The following SLC39A9 variants were observed in gnomAD, a reference collection of about 807,000 sequenced individuals.
The protein encoded by SLC39A9 is zinc transporter ZIP9.
SLC39A9 carries 14 observed loss-of-function variants against 28.4 expected under a neutral mutation model. The ratio of observed to expected loss-of-function variants is 0.49; its 90% CI spans 0.33 to 0.77. The LOEUF (loss-of-function observed/expected upper bound fraction) is 0.77, where lower values mean the gene tolerates loss of function less well. SLC39A9 is among the 30% of genes least tolerant of loss of function. SLC39A9 has a pLI of 0.02. For synonymous variants in SLC39A9, 119 were observed against 149.6 expected (o/e 0.80, Z 1.49); for missense variants, 283 against 381.1 (o/e 0.74, Z 2.14).
chr14:69,409,582 CGTCTT>C (rs1190505481), intron 1 of SLC39A9, among the ~76,000 whole-genome samples: 1 of 152,164 alleles, frequency 6.6e-6, no homozygotes, highest in African/African-American at 2.4e-5. Context: ...AGTAATCAAT[CGTCTT>C]GTCTTGGCCT....
Position 69,460,699 on chromosome 14 carries a change from G to T in SLC39A9, c.*2106G>T, listed in dbSNP as rs181349604. 4.1e-6 allele frequency: 4 copies of T among 985,228 alleles called. No homozygotes were observed. The highest frequency in any genetic ancestry group is 4.8e-6 in the Non-Finnish European group (4 of 829,952). 61.0% of individuals were successfully genotyped at this position (985,228 alleles called of 1,614,324 possible). ...CTTGCTGGATGGAGCCTTGAACTCC[G>T]GCAAGGATTGAACCATCTGACTTCC... On this transcript the variant is annotated 3_prime_UTR_variant, in exon 7 of 7. Coordinates refer to ENST00000336643, the MANE Select transcript of SLC39A9 (RefSeq NM_018375.5).
rs1422421577 is a variant in SLC39A9 at position 69,459,719 on chromosome 14, TC to T, written c.*1127del. ...CCTATTGATTTAAAGCTTATTGGAA[TC>T]ATGTCTCTTGTCTCTTCGTCTTTTC... is the stretch of plus-strand genomic sequence containing the variant. On this transcript the variant is annotated 3_prime_UTR_variant, in exon 7 of 7. Transcript: ENST00000336643. 11 of 984,940 alleles carry T rather than the reference TC, an allele frequency of 1.1e-5. No individual in the cohort carries two copies. The highest frequency in any genetic ancestry group is 1.3e-5 in the Non-Finnish European group (11 of 829,616). The allele number at this position is 984,940 out of a possible 1,614,324, so 61.0% of individuals were successfully genotyped here.
In SLC39A9 at chr14:69,461,403, C is replaced by T; in HGVS notation, c.*2810C>T. 1 of 1,238,732 alleles carries T rather than the reference C, an allele frequency of 8.1e-7. No homozygotes were observed. The highest frequency in any genetic ancestry group is 2.2e-5 in the South Asian group (1 of 45,868). 76.7% of individuals were successfully genotyped at this position (1,238,732 alleles called of 1,614,324 possible). ...AGGTTTGATTCAGTTTTCCTGTGCA[C>T]ACTATTGCCAAATTTTTTTTTAGCA... On this transcript the variant is annotated 3_prime_UTR_variant, in exon 7 of 7. Coordinates refer to ENST00000336643, the MANE Select transcript of SLC39A9 (RefSeq NM_018375.5).
chr14:69,453,905 G>C (rs977738231), intron 4 of SLC39A9, among the ~76,000 whole-genome samples: 5 of 152,224 alleles, frequency 3.3e-5, no homozygotes, highest in African/African-American at 7.2e-5. Flanking sequence ...TTACTGTCTA[G>C]CTCTTAAGAA....
At position 69,459,079 on chromosome 14, in the gene SLC39A9, G is replaced by A; in HGVS notation, c.*486G>A. On this transcript the variant is annotated 3_prime_UTR_variant, in exon 7 of 7. Coordinates refer to ENST00000336643, the MANE Select transcript of SLC39A9 (RefSeq NM_018375.5). Reference sequence around the variant, plus strand: ...ATCTATGCCACATGCGTTGATGGAAGGTCATAGCACCCACTCACTTAGATG... The same window carrying A: ...ATCTATGCCACATGCGTTGATGGAAAGTCATAGCACCCACTCACTTAGATG... 1 of 987,542 alleles carries A rather than the reference G, an allele frequency of 1.0e-6. No individual in the cohort carries two copies. The highest frequency in any genetic ancestry group is 1.2e-6 in the Non-Finnish European group (1 of 831,020). The allele number at this position is 987,542 out of a possible 1,614,324, so 61.2% of individuals were successfully genotyped here. A position where few individuals can be genotyped will look rare whatever the true frequency, so the allele number is the denominator to read the frequency against.
chr14:69,461,132 A>G lies in SLC39A9; in HGVS notation c.*2539A>G. Reference sequence around the variant, plus strand: ...ATACTTAAGTTGCTGCCATGATTACAGATGGAATTATTGGCTACCAAAGAG... The same window carrying G: ...ATACTTAAGTTGCTGCCATGATTACGGATGGAATTATTGGCTACCAAAGAG... On this transcript the variant is annotated 3_prime_UTR_variant, in exon 7 of 7. Coordinates refer to ENST00000336643, the MANE Select transcript of SLC39A9 (RefSeq NM_018375.5). 1 of 987,136 alleles carries G rather than the reference A, an allele frequency of 1.0e-6. No individual in the cohort carries two copies. The highest frequency in any genetic ancestry group is 1.2e-6 in the Non-Finnish European group (1 of 831,082). The allele number at this position is 987,136 out of a possible 1,614,324, so 61.1% of individuals were successfully genotyped here. A position where few individuals can be genotyped will look rare whatever the true frequency, so the allele number is the denominator to read the frequency against.
chr14:69,452,886 T>C (rs902949278), intron 3 of SLC39A9, among the ~76,000 whole-genome samples: 1 of 152,054 alleles, frequency 6.6e-6, no homozygotes, highest in African/African-American at 2.4e-5. Flanking sequence ...CTTGGAATAG[T>C]AGAGGAAGAG....
intron 1 of SLC39A9, among the ~76,000 whole-genome samples, chr14:69,409,616 C>A (rs770409158): frequency 6.6e-6 from 1 of 152,306 alleles, no homozygotes; most frequent in South Asian, 2.1e-4. Flanking sequence ...GCTGGGATTG[C>A]CAGTAGGGGA....
Position 69,419,718 on chromosome 14 carries a change from G to T in SLC39A9, c.97-4376G>T, listed in dbSNP as rs143342168. Among the ~76,000 whole-genome samples the T allele has an allele frequency of 6.4e-3, 979 of 152,288 alleles. 6 individuals carry two copies. The highest frequency in any genetic ancestry group is 0.023 in the African/African-American group (935 of 41,550). On this transcript the variant is annotated intron_variant, in intron 1 of 6. Coordinates refer to ENST00000336643, the MANE Select transcript of SLC39A9 (RefSeq NM_018375.5). ...GGTGCATATATGTTTAGGATAGTTA[G>T]CTCTTCTTGTTGAATTGATCCCTTT...
chr14:69,449,063 G>A (rs540775861), intron 3 of SLC39A9, among the ~76,000 whole-genome samples: 3 of 152,144 alleles, frequency 2.0e-5, no homozygotes, highest in Non-Finnish European at 2.9e-5. Flanking sequence ...AAAATTATGG[G>A]AGTAAGCTTA....
intron 2 of SLC39A9, among the ~76,000 whole-genome samples, chr14:69,425,492 C>G (rs946133595): frequency 6.6e-6 from 1 of 152,152 alleles, no homozygotes; most frequent in African/African-American, 2.4e-5. Flanking sequence ...AGGAAGGATC[C>G]CGGGAATATC....
chr14:69,427,685 TG>T (rs1334142124), intron 2 of SLC39A9, among the ~76,000 whole-genome samples: 3 of 152,208 alleles, frequency 2.0e-5, no homozygotes, highest in Non-Finnish European at 4.4e-5. Flanking sequence ...ATGTAACCTT[TG>T]GGTCTGGCTT....
rs74847674 is a variant in SLC39A9, at chr14:69,426,108, A to G, written c.205+1906A>G. 2.9e-3 allele frequency among the ~76,000 whole-genome samples: 447 copies of G among 152,314 alleles called. 3 individuals carry two copies. The highest frequency in any genetic ancestry group is 0.01 in the African/African-American group (435 of 41,574). On this transcript the variant is annotated intron_variant, in intron 2 of 6. Coordinates refer to ENST00000336643, the MANE Select transcript of SLC39A9 (RefSeq NM_018375.5). Reference sequence around the variant, plus strand: ...AAACTTCTGTAACCAGATGCGTGGCAATATCTCCCCACTACCAAGCAGTGG... The same window carrying G: ...AAACTTCTGTAACCAGATGCGTGGCGATATCTCCCCACTACCAAGCAGTGG...
Position 69,462,277 on chromosome 14 carries a change from A to G in SLC39A9, c.*3684A>G, listed in dbSNP as rs1311566636. 1 of 152,314 alleles carries G rather than the reference A, an allele frequency of 6.6e-6. No homozygotes were observed. Among genetic ancestry groups the G allele is most frequent in the Non-Finnish European group, 1.5e-5 (1 of 68,090 alleles). The allele number at this position is 152,314 out of a possible 1,614,324, so 9.4% of individuals were successfully genotyped here. A position where few individuals can be genotyped will look rare whatever the true frequency, so the allele number is the denominator to read the frequency against. On this transcript the variant is annotated 3_prime_UTR_variant, in exon 7 of 7. Coordinates refer to ENST00000336643, the MANE Select transcript of SLC39A9 (RefSeq NM_018375.5). ...CCCTTTTTCTGGATCCCTTGTAAAC[A>G]TGAAATCATTCCATGGATGGCTGCC...
At chr14:69,431,009 C>T (rs1884461763) in intron 2 of SLC39A9, among the ~76,000 whole-genome samples, 1 of 152,128 alleles carries the variant, frequency 6.6e-6, no homozygotes, top group Non-Finnish European at 1.5e-5. Context: ...TGTCAAATAT[C>T]TATGGAATAA....
chr14:69,441,983 C>A, intron 2 of SLC39A9, 86 bp from the exon 3 acceptor site: 1 of 1,511,634 alleles, frequency 6.6e-7, no homozygotes, highest in Non-Finnish European at 8.8e-7. Context: ...GTAAGTAGAG[C>A]TTGAAATACA....
At chr14:69,436,475 A>G (rs755278003) in intron 2 of SLC39A9, among the ~76,000 whole-genome samples, 19 of 152,218 alleles carry the variant, frequency 1.2e-4, no homozygotes, top group Non-Finnish European at 2.5e-4. Flanking sequence ...AGTCCCGTCA[A>G]AATCTCTGGA....
Position 69,458,700 on chromosome 14 carries a change from C to T in SLC39A9, c.*107C>T. On this transcript the variant is annotated 3_prime_UTR_variant, in exon 7 of 7. Coordinates refer to ENST00000336643, the MANE Select transcript of SLC39A9 (RefSeq NM_018375.5). Reference sequence around the variant, plus strand: ...GTCTCTTGTCTCACCTTGCGCATCTCTACATGTATTCCTAGAGTCCAGAGG... The same window carrying T: ...GTCTCTTGTCTCACCTTGCGCATCTTTACATGTATTCCTAGAGTCCAGAGG... The T allele has an allele frequency of 6.9e-7, 1 of 1,442,102 alleles. No individual in the cohort carries two copies. Among genetic ancestry groups the T allele is most frequent in the Non-Finnish European group, 9.1e-7 (1 of 1,098,276 alleles). The allele number at this position is 1,442,102 out of a possible 1,614,324, so 89.3% of individuals were successfully genotyped here. A position where few individuals can be genotyped will look rare whatever the true frequency, so the allele number is the denominator to read the frequency against.
rs534347061 is a variant in SLC39A9, at chr14:69,459,856, G to A, written c.*1263G>A. On this transcript the variant is annotated 3_prime_UTR_variant, in exon 7 of 7. Coordinates refer to ENST00000336643, the MANE Select transcript of SLC39A9 (RefSeq NM_018375.5). ...ATTCTTATCAGGACAACCACTTCTC[G>A]AACTGTAATAATGAAGATAATAATA... 2.6e-5 allele frequency: 26 copies of A among 984,934 alleles called. No homozygotes were observed. The highest frequency in any genetic ancestry group is 3.5e-5 in the African/African-American group (2 of 57,148). The allele number at this position is 984,934 out of a possible 1,614,324, so 61.0% of individuals were successfully genotyped here.
Sources: gnomAD v4.1 joint callset for allele counts (sites outside exome capture counted in the v4.1 genomes callset) on GRCh38, gnomAD v4.1.1 for gene constraint, MANE v1.5 for transcripts, NCBI Gene and HGNC (gene_info 2026-07-23, HGNC 2026-07-21) for gene names.